The following CDH18 variants were observed in gnomAD, a reference collection of about 807,000 sequenced individuals.
The protein encoded by CDH18 is cadherin-18.
A neutral mutation model predicts 67.9 loss-of-function variants in CDH18; 31 were observed. The ratio of observed to expected loss-of-function variants is 0.46; its 90% CI spans 0.34 to 0.62. The LOEUF (loss-of-function observed/expected upper bound fraction) is 0.62, where lower values mean the gene tolerates loss of function less well. CDH18 is among the 20% of genes least tolerant of loss of function. The probability of loss-of-function intolerance (pLI) is 0.01; values close to 1 mark genes in which losing one functional copy is unlikely to be tolerated. For missense variants in CDH18, 890 were observed against 975.5 expected, an observed-to-expected ratio of 0.91 and a Z score of 1.17; for synonymous variants, 362 against 347.2, an observed-to-expected ratio of 1.04 and a Z score of -0.48.
At chr5:20,047,467 G>T (rs1302788563) in intron 2 of CDH18, among the ~76,000 whole-genome samples, 11 of 151,776 alleles carry the variant, frequency 7.2e-5, no homozygotes. Flanking sequence ...TTTGAAAAAG[G>T]CAGAGAAATA....
At chr5:20,520,454 A>G (rs1429609478) in intron 1 of CDH18, among the ~76,000 whole-genome samples, 2 of 152,070 alleles carry the variant, frequency 1.3e-5, no homozygotes, top group African/African-American at 4.8e-5. Context: ...ATAAGTTTGT[A>G]CCACACACTT....
At position 19,600,786 on chromosome 5, in the gene CDH18, C is replaced by T. The variant is rs147856396; in HGVS notation, c.812-9542G>A. 7.0e-3 allele frequency among the ~76,000 whole-genome samples: 1,068 copies of T among 152,012 alleles called. 7 individuals carry two copies. Among genetic ancestry groups the T allele is most frequent in the Middle Eastern group, 0.014 (4 of 294 alleles). The stretch of plus-strand genomic sequence containing the variant: ...CCTTACATTATTTTTAAGGTGGAAT[C>T]CTTTTCTTATCTGGAAAAATTAAAT... On this transcript the variant is annotated intron_variant, in intron 6 of 12. Coordinates refer to ENST00000382275, the MANE Select transcript of CDH18 (RefSeq NM_004934.5).
intron 2 of CDH18, among the ~76,000 whole-genome samples, chr5:20,153,710 C>G (rs944651479): frequency 7.2e-5 from 11 of 152,190 alleles, no homozygotes; most frequent in Non-Finnish European, 1.6e-4. Context: ...CACAGTGTGT[C>G]CTCACATGGC....
chr5:19,617,018 T>C (rs1206769959), intron 5 of CDH18, among the ~76,000 whole-genome samples: 1 of 152,134 alleles, frequency 6.6e-6, no homozygotes, highest in East Asian at 1.9e-4. Flanking sequence ...CCAAATACCA[T>C]CATATTTGGG....
chr5:20,402,628 G>A (rs1580915427), intron 1 of CDH18, among the ~76,000 whole-genome samples: 1 of 150,776 alleles, frequency 6.6e-6, no homozygotes, highest in Non-Finnish European at 1.5e-5. Context: ...CTAAAAACGT[G>A]GATATCTTAA....
intron 1 of CDH18, among the ~76,000 whole-genome samples, chr5:20,409,615 A>G (rs1176705876): frequency 6.6e-6 from 1 of 151,748 alleles, no homozygotes; most frequent in Non-Finnish European, 1.5e-5. Flanking sequence ...AACAAGAAAA[A>G]GAACAAAGCC....
intron 2 of CDH18, among the ~76,000 whole-genome samples, chr5:20,170,458 G>A (rs1020704158): frequency 6.6e-6 from 1 of 151,586 alleles, no homozygotes; most frequent in Non-Finnish European, 1.5e-5. Flanking sequence ...ACTATATCTT[G>A]GTAAAATTAA....
intron 1 of CDH18, among the ~76,000 whole-genome samples, chr5:20,372,946 G>A (rs922818135): frequency 1.3e-5 from 2 of 152,022 alleles, no homozygotes; most frequent in Non-Finnish European, 2.9e-5. Flanking sequence ...TCTTAAGGAT[G>A]TTTTCTCAAA....
At chr5:19,500,727 C>T (rs959664466) in intron 11 of CDH18, among the ~76,000 whole-genome samples, 2 of 152,142 alleles carry the variant, frequency 1.3e-5, no homozygotes, top group African/African-American at 4.8e-5. Context: ...AAAAAATGTA[C>T]ACACAAACTC....
In CDH18 at chr5:20,413,907, T is replaced by C. The variant is rs566998831; in HGVS notation, c.-579-158402A>G. Among the ~76,000 whole-genome samples, 81 of 152,312 alleles carry C rather than the reference T, an allele frequency of 5.3e-4. 2 individuals carry two copies. The South Asian group carries it at 0.016, about 30-fold the overall frequency. Reference sequence around the variant, plus strand: ...TTGCCCATGCCTGTAACCTGAATGGTATTGCCTAGGTTTTCTTCTCGGGTT... The same window carrying C: ...TTGCCCATGCCTGTAACCTGAATGGCATTGCCTAGGTTTTCTTCTCGGGTT... On this transcript the variant is annotated intron_variant, in intron 1 of 14. Coordinates refer to the CDH18 transcript ENST00000507958.
chr5:20,305,045 C>G, intron 1 of CDH18: 1 of 1,606,458 alleles, frequency 6.2e-7, no homozygotes, highest in Non-Finnish European at 8.5e-7. Context: ...TGCTGACTGT[C>G]CCCATTAGTT....
intron 2 of CDH18, among the ~76,000 whole-genome samples, chr5:20,206,331 T>G (rs1739886146): frequency 6.6e-6 from 1 of 151,890 alleles, no homozygotes; most frequent in Non-Finnish European, 1.5e-5. Flanking sequence ...GTAGTGAGAC[T>G]GATGCCATAA....
chr5:20,055,168 G>T (rs894883882), intron 2 of CDH18, among the ~76,000 whole-genome samples: 6 of 151,906 alleles, frequency 3.9e-5, no homozygotes, highest in African/African-American at 1.5e-4. Flanking sequence ...ATATATGAGG[G>T]TATAATCTTT....
chr5:19,876,073 C>A (rs560590922), intron 2 of CDH18, among the ~76,000 whole-genome samples: 1 of 152,064 alleles, frequency 6.6e-6, no homozygotes, highest in East Asian at 1.9e-4. Context: ...TGAGTCCTTG[C>A]CAAAGGGACA....
At chr5:19,546,020 G>A (rs1308817254) in intron 8 of CDH18, among the ~76,000 whole-genome samples, 2 of 152,156 alleles carry the variant, frequency 1.3e-5, no homozygotes, top group Non-Finnish European at 2.9e-5. Flanking sequence ...AGGAGAGAGG[G>A]AAAACTGGGA....
chr5:19,561,070 C>G (rs1421314241), intron 8 of CDH18, among the ~76,000 whole-genome samples: 1 of 152,046 alleles, frequency 6.6e-6, no homozygotes, highest in African/African-American at 2.4e-5. Flanking sequence ...GGAGTGCAAA[C>G]TAGTACAACC....
chr5:20,098,209 C>T (rs1015186754), intron 2 of CDH18, among the ~76,000 whole-genome samples: 1 of 151,844 alleles, frequency 6.6e-6, no homozygotes, highest in African/African-American at 2.4e-5. Context: ...ATGATTTATC[C>T]TAGCCTATAA....
rs183433775 is a variant in CDH18 at position 20,490,462 on chromosome 5, T to C, written c.-580+85000A>G. 2.1e-3 allele frequency among the ~76,000 whole-genome samples: 324 copies of C among 152,238 alleles called. 1 individual carries two copies. The highest frequency in any genetic ancestry group is 7.0e-3 in the African/African-American group (292 of 41,566). ...TATAAAAAGTTGGGAAACTTCATAC[T>C]AAACAATCAAAGTTCTATTAGAAGG... On this transcript the variant is annotated intron_variant, in intron 1 of 14. Coordinates refer to the CDH18 transcript ENST00000507958.
At chr5:20,027,518 A>C (rs1739016620) in intron 2 of CDH18, among the ~76,000 whole-genome samples, 1 of 152,168 alleles carries the variant, frequency 6.6e-6, no homozygotes, top group African/African-American at 2.4e-5. Flanking sequence ...TGGATGCTCT[A>C]CCTATATTAA....
Sources: allele counts gnomAD v4.1 joint callset (sites outside exome capture counted in the v4.1 genomes callset), GRCh38; gene constraint gnomAD v4.1.1; transcripts MANE v1.5; gene names NCBI Gene and HGNC (gene_info 2026-07-23, HGNC 2026-07-21).